The following RGS7 variants were observed in gnomAD, a reference collection of about 807,000 sequenced individuals.
RGS7 encodes regulator of G-protein signaling 7.
A neutral mutation model predicts 81.1 loss-of-function variants in RGS7; 27 were observed. The ratio of observed to expected loss-of-function variants is 0.33; its 90% CI spans 0.25 to 0.46. RGS7 has a LOEUF of 0.46. Among genes scored for constraint, RGS7 ranks in the 20% least tolerant of loss-of-function variants. The probability of loss-of-function intolerance (pLI) is 1.00; values close to 1 mark genes in which losing one functional copy is unlikely to be tolerated. For synonymous variants in RGS7, 208 were observed against 207.7 expected, an observed-to-expected ratio of 1.00 and a Z score of -0.01; for missense variants, 396 against 607.4, an observed-to-expected ratio of 0.65 and a Z score of 3.66.
At chr1:240,780,644 G>A (rs1034255027) in intron 18 of RGS7, among the ~76,000 whole-genome samples, 4 of 151,796 alleles carry the variant, frequency 2.6e-5, no homozygotes, top group Admixed American at 1.3e-4. Flanking sequence ...GGCCGGGCGC[G>A]GTGGCTGACG....
At chr1:241,296,256 C>G (rs2079417480) in intron 2 of RGS7, among the ~76,000 whole-genome samples, 1 of 152,030 alleles carries the variant, frequency 6.6e-6, no homozygotes, top group African/African-American at 2.4e-5. Flanking sequence ...GACCACACTA[C>G]AGAAAAGAAG....
chr1:241,340,237 G>A (rs1333178692), intron 2 of RGS7, among the ~76,000 whole-genome samples: 6 of 152,142 alleles, frequency 3.9e-5, no homozygotes, highest in Non-Finnish European at 7.4e-5. Flanking sequence ...TCAGGTGAAA[G>A]GAGAGAGCTG....
chr1:240,916,941 A>G (rs1672713948), intron 6 of RGS7, among the ~76,000 whole-genome samples: 1 of 152,214 alleles, frequency 6.6e-6, no homozygotes, highest in Non-Finnish European at 1.5e-5. Flanking sequence ...CAGAGCAACC[A>G]CAGACATATC....
intron 2 of RGS7, among the ~76,000 whole-genome samples, chr1:241,193,292 A>G (rs1288145070): frequency 3.3e-5 from 5 of 152,178 alleles, no homozygotes; most frequent in Admixed American, 6.5e-5. Context: ...GACCTCATCC[A>G]TTGCTCACTG....
intron 10 of RGS7, among the ~76,000 whole-genome samples, chr1:240,824,271 C>T (rs1338080198): frequency 6.6e-6 from 1 of 152,192 alleles, no homozygotes; most frequent in Non-Finnish European, 1.5e-5. Flanking sequence ...TTATTCTTGT[C>T]ACGGCACGTA....
At chr1:240,854,089 A>G (rs1660642811) in intron 9 of RGS7, among the ~76,000 whole-genome samples, 1 of 152,056 alleles carries the variant, frequency 6.6e-6, no homozygotes, top group Admixed American at 6.5e-5. Context: ...GGCTGAACAA[A>G]GATAATAATT....
intron 2 of RGS7, among the ~76,000 whole-genome samples, chr1:241,168,739 C>T (rs1290383011): frequency 6.6e-6 from 1 of 151,910 alleles, no homozygotes; most frequent in Non-Finnish European, 1.5e-5. Flanking sequence ...TCTCTCTCCC[C>T]CCACCTCCCC....
At chr1:241,235,678 TTCTTTCTCTCTC>T (rs759098628) in intron 2 of RGS7, among the ~76,000 whole-genome samples, 47,234 of 106,052 alleles carry the variant, frequency 0.45, 7,789 homozygotes, top group Middle Eastern at 0.48. Context: ...CTCTCTCTCT[TTCTTTCTCTCTC>T]TCTTTCTCTC....
chr1:240,961,333 C>CCGT (rs10625268), intron 4 of RGS7, among the ~76,000 whole-genome samples: 1 of 152,106 alleles, frequency 6.6e-6, no homozygotes, highest in Non-Finnish European at 1.5e-5. Context: ...ATCTCCTCCT[C>CCGT]ATCAGATAAT....
chr1:240,889,679 G>A (rs527876142), intron 6 of RGS7, among the ~76,000 whole-genome samples: 41 of 152,324 alleles, frequency 2.7e-4, no homozygotes, highest in Admixed American at 1.4e-3. Flanking sequence ...CAGCATTGGT[G>A]TTATCTTGAT....
intron 6 of RGS7, among the ~76,000 whole-genome samples, chr1:240,926,355 A>G (rs555782800): frequency 1.3e-5 from 2 of 152,340 alleles, no homozygotes; most frequent in African/African-American, 2.4e-5. Context: ...ATTCTTCTGC[A>G]TGTGGCTAGC....
At chr1:240,994,564 T>C (rs1372106447) in intron 3 of RGS7, among the ~76,000 whole-genome samples, 1 of 152,146 alleles carries the variant, frequency 6.6e-6, no homozygotes, top group Non-Finnish European at 1.5e-5. Context: ...AGAAGGTTTT[T>C]TTGCAGATAT....
At chr1:240,961,918 G>T (rs1374490076) in intron 4 of RGS7, among the ~76,000 whole-genome samples, 1 of 152,064 alleles carries the variant, frequency 6.6e-6, no homozygotes, top group South Asian at 2.1e-4. Flanking sequence ...AGGCAGAGAG[G>T]AAGGAAGGGA....
At chr1:241,222,804 TCCCACCCCCAGCCC>T (rs2075088041) in intron 2 of RGS7, among the ~76,000 whole-genome samples, 1 of 151,352 alleles carries the variant, frequency 6.6e-6, no homozygotes, top group Admixed American at 6.6e-5. Flanking sequence ...GAAAATGCTA[TCCCACCCCCAGCCC>T]CCCACCCCCT....
intron 3 of RGS7, among the ~76,000 whole-genome samples, chr1:241,053,716 T>C (rs1332083635): frequency 1.3e-5 from 2 of 152,218 alleles, no homozygotes; most frequent in African/African-American, 4.8e-5. Context: ...GCTCCCGTAA[T>C]TCCCACATGT....
intron 4 of RGS7, among the ~76,000 whole-genome samples, chr1:240,955,967 C>T (rs112937599): frequency 3.3e-5 from 5 of 152,138 alleles, no homozygotes; most frequent in South Asian, 2.1e-4. Flanking sequence ...TTGTAGCCCA[C>T]GATGGGTTGT....
intron 2 of RGS7, among the ~76,000 whole-genome samples, chr1:241,194,283 C>T (rs1035563491): frequency 4.6e-5 from 7 of 152,164 alleles, no homozygotes; most frequent in African/African-American, 1.7e-4. Context: ...CAAAATTTCA[C>T]ATCCCATATT....
In RGS7 at chr1:240,870,052, T is replaced by C. The variant is rs758336272; in HGVS notation, c.450+3A>G. On this transcript the variant is annotated splice_donor_region_variant and intron_variant, in intron 7 of 18. Transcript: ENST00000440928. Reference sequence around the variant, plus strand: ...TCTTTGCCAGAAGGTCCTTGGTACTTACAGCCTCATAGTCTGCGAGCTCCA... The same window carrying C: ...TCTTTGCCAGAAGGTCCTTGGTACTCACAGCCTCATAGTCTGCGAGCTCCA... 1 of 1,613,702 alleles carries C rather than the reference T, an allele frequency of 6.2e-7. No homozygotes were observed. The highest frequency in any genetic ancestry group is 1.3e-5 in the African/African-American group (1 of 74,920).
chr1:241,166,370 A>C (rs1300161394), intron 2 of RGS7, among the ~76,000 whole-genome samples: 1 of 152,208 alleles, frequency 6.6e-6, no homozygotes, highest in Non-Finnish European at 1.5e-5. Flanking sequence ...GAATGTAATA[A>C]GATAAGATTG....
Sources: allele counts gnomAD v4.1 joint callset (sites outside exome capture counted in the v4.1 genomes callset), GRCh38; gene constraint gnomAD v4.1.1; transcripts MANE v1.5; gene names NCBI Gene and HGNC (gene_info 2026-07-23, HGNC 2026-07-21).